FAM118A: variants seen among roughly 807,000 people sequenced by gnomAD.
FAM118A encodes the protein protein FAM118A.
In FAM118A, 25 loss-of-function variants were observed where a neutral mutation model predicts 38.2. The observed-to-expected ratio is 0.65, with a 90% CI of 0.48 to 0.91. The LOEUF (loss-of-function observed/expected upper bound fraction) is 0.91, where lower values mean the gene tolerates loss of function less well. FAM118A is among the 40% of genes least tolerant of loss of function. The probability of loss-of-function intolerance (pLI) is 0.00; values close to 1 mark genes in which losing one functional copy is unlikely to be tolerated. For missense variants in FAM118A, 425 were observed against 463.3 expected, an observed-to-expected ratio of 0.92 and a Z score of 0.76; for synonymous variants, 178 against 184.1, an observed-to-expected ratio of 0.97 and a Z score of 0.27.
chr22:45,319,474 C>T (rs1340234983), intron 1 of FAM118A, among the ~76,000 whole-genome samples: 1 of 152,190 alleles, frequency 6.6e-6, no homozygotes, highest in Non-Finnish European at 1.5e-5. Flanking sequence ...CGGGAGTGTG[C>T]AGGCCGCCTC....
chr22:45,339,648 G>C (rs1352540774), intron 8 of FAM118A, among the ~76,000 whole-genome samples: 6 of 152,132 alleles, frequency 3.9e-5, no homozygotes, highest in Non-Finnish European at 8.8e-5. Flanking sequence ...CACGTTCATT[G>C]TTTTGTTTTC....
At chr22:45,324,445 TGAAG>T (rs2085110939) in intron 3 of FAM118A, among the ~76,000 whole-genome samples, 2 of 152,196 alleles carry the variant, frequency 1.3e-5, no homozygotes, top group African/African-American at 4.8e-5. Flanking sequence ...GGGCCACCAC[TGAAG>T]TCACATACAC....
chr22:45,336,257 C>G (rs1238565926), intron 7 of FAM118A, 71 bp from the exon 8 acceptor site: 17 of 1,254,636 alleles, frequency 1.4e-5, no homozygotes, highest in Non-Finnish European at 1.8e-5. Context: ...TCAGTAAGGT[C>G]ACATTATGAA....
In FAM118A at chr22:45,323,434, G is replaced by T; in HGVS notation, c.300+7G>T. ...GATCCGGAAGATGTCACCTGTAAGT[G>T]TCAGACAAGTACCTCTTGGGGACAG... On this transcript the variant is annotated splice_region_variant and intron_variant, in intron 3 of 8. Coordinates refer to ENST00000441876, the MANE Select transcript of FAM118A (RefSeq NM_017911.4). The T allele has an allele frequency of 6.2e-7, 1 of 1,610,922 alleles. No homozygotes were observed. Among genetic ancestry groups the T allele is most frequent in the Non-Finnish European group, 8.5e-7 (1 of 1,177,500 alleles).
chr22:45,323,076 T>TGTGTG, intron 2 of FAM118A, 99 bp from the exon 3 acceptor site: 3 of 1,282,230 alleles, frequency 2.3e-6, no homozygotes, highest in Non-Finnish European at 3.3e-6. Context: ...TGTGTGTGTG[T>TGTGTG]ACACAGCACA....
At position 45,323,993 on chromosome 22, in the gene FAM118A, G is replaced by C. The variant is rs80255553; in HGVS notation, c.300+566G>C. 2.6e-5 allele frequency among the ~76,000 whole-genome samples: 4 copies of C among 152,360 alleles called. No homozygotes were observed. The East Asian group carries it at 7.7e-4, about 29-fold the overall frequency. ...TTGTTGTCCCCGTCAGCTATGGCGT[G>C]TGGCCATAAAGGCTGGGAAGCTGGA... On this transcript the variant is annotated intron_variant, in intron 3 of 8. Coordinates refer to ENST00000441876, the MANE Select transcript of FAM118A (RefSeq NM_017911.4).
At chr22:45,313,100 A>G (rs1046786925) in intron 1 of FAM118A, among the ~76,000 whole-genome samples, 9 of 152,222 alleles carry the variant, frequency 5.9e-5, no homozygotes, top group Admixed American at 2.0e-4. Context: ...TCATTAGCAT[A>G]CAAAATGACA....
At chr22:45,327,218 T>C (rs1232845469) in intron 3 of FAM118A, among the ~76,000 whole-genome samples, 2 of 151,806 alleles carry the variant, frequency 1.3e-5, no homozygotes, top group African/African-American at 4.8e-5. Context: ...CCAGCCTGGA[T>C]GACAGAGCAA....
At chr22:45,315,964 C>A (rs2084588386) in intron 1 of FAM118A, among the ~76,000 whole-genome samples, 1 of 152,218 alleles carries the variant, frequency 6.6e-6, no homozygotes, top group South Asian at 2.1e-4. Flanking sequence ...CACCAGAAAC[C>A]TATCAGCTGG....
rs2084293073 is a variant in FAM118A at position 45,310,019 on chromosome 22, C to G, written c.-174C>G. 1 of 152,158 alleles carries G rather than the reference C, an allele frequency of 6.6e-6. No homozygotes were observed. The highest frequency in any genetic ancestry group is 2.1e-4 in the South Asian group (1 of 4,836). 9.4% of individuals were successfully genotyped at this position (152,158 alleles called of 1,614,324 possible). ...TGGCTCCGACTCCGGCTCTCGCTCT[C>G]GCTTCTAGCCCGCGTGCCTGCGCAG... is the stretch of plus-strand genomic sequence containing the variant. On this transcript the variant is annotated 5_prime_UTR_variant, in exon 1 of 9. Coordinates refer to ENST00000441876, the MANE Select transcript of FAM118A (RefSeq NM_017911.4).
chr22:45,318,920 G>A (rs760342185), intron 1 of FAM118A: 9 of 152,160 alleles, frequency 5.9e-5, no homozygotes, highest in Non-Finnish European at 1.3e-4. Context: ...GCACTTAAGC[G>A]AGCCACAGAC....
intron 1 of FAM118A, among the ~76,000 whole-genome samples, chr22:45,321,113 TTTTG>T (rs1404884983): frequency 2.6e-5 from 4 of 152,206 alleles, no homozygotes; most frequent in Admixed American, 6.5e-5. Context: ...ATGTCAATAC[TTTTG>T]TTTGTTTGTT....
intron 5 of FAM118A, among the ~76,000 whole-genome samples, chr22:45,331,534 C>G (rs2085721045): frequency 6.6e-6 from 1 of 152,048 alleles, no homozygotes; most frequent in Non-Finnish European, 1.5e-5. Flanking sequence ...GCCCCTACTC[C>G]CGGCTGTGAG....
Position 45,341,216 on chromosome 22 carries a change from A to G in FAM118A, c.*811A>G, listed in dbSNP as rs1187653966. The G allele has an allele frequency of 6.6e-6, 1 of 152,242 alleles. No homozygotes were observed. The highest frequency in any genetic ancestry group is 2.4e-5 in the African/African-American group (1 of 41,456). 9.4% of individuals were successfully genotyped at this position (152,242 alleles called of 1,614,324 possible). On this transcript the variant is annotated 3_prime_UTR_variant, in exon 9 of 9. Transcript: ENST00000441876. The stretch of plus-strand genomic sequence containing the variant: ...GTAAAGAATGAATCCGCTAGCGAAA[A>G]TGTTTTTAGGGAGAACAGCTGGATC...
intron 3 of FAM118A, among the ~76,000 whole-genome samples, chr22:45,324,270 C>T (rs2085093168): frequency 6.6e-6 from 1 of 152,224 alleles, no homozygotes; most frequent in Non-Finnish European, 1.5e-5. Flanking sequence ...GGGTGGGCAG[C>T]CCAAGGAGAA....
At chr22:45,335,249 T>A in intron 6 of FAM118A, 101 bp from the exon 7 acceptor site, 1 of 1,378,844 alleles carries the variant, frequency 7.3e-7, no homozygotes, top group African/African-American at 1.4e-5. Context: ...CCCAGAAGCC[T>A]GTTCCCAGTC....
intron 1 of FAM118A, among the ~76,000 whole-genome samples, chr22:45,314,483 GC>G (rs2084518978): frequency 6.6e-6 from 1 of 152,264 alleles, no homozygotes; most frequent in Non-Finnish European, 1.5e-5. Context: ...TGGGACATGA[GC>G]CAGGAGTTAC....
intron 1 of FAM118A, among the ~76,000 whole-genome samples, chr22:45,315,007 A>G (rs1601878169): frequency 1.3e-5 from 2 of 152,360 alleles, no homozygotes; most frequent in East Asian, 1.9e-4. Flanking sequence ...TCATCGGGTT[A>G]TTGAGGTTAA....
intron 1 of FAM118A, among the ~76,000 whole-genome samples, chr22:45,311,499 A>G (rs930134855): frequency 6.6e-6 from 1 of 152,168 alleles, no homozygotes; most frequent in Non-Finnish European, 1.5e-5. Context: ...GAGACCTGGT[A>G]TGGGAGAAGC....
Sources: gnomAD v4.1 joint callset for allele counts (sites outside exome capture counted in the v4.1 genomes callset) on GRCh38, gnomAD v4.1.1 for gene constraint, MANE v1.5 for transcripts, NCBI Gene and HGNC (gene_info 2026-07-23, HGNC 2026-07-21) for gene names.